Variants in ADGB observed in about 807,000 individuals in gnomAD.
The protein encoded by ADGB is calpain-7-like protein.
Under a neutral mutation model 210.5 loss-of-function variants are expected in ADGB, and 172 were observed. That is an observed-to-expected ratio of 0.82 (90% confidence interval 0.72 to 0.93). The LOEUF (loss-of-function observed/expected upper bound fraction) is 0.93. Among genes scored for constraint, ADGB ranks in the 40% least tolerant of loss-of-function variants. The pLI is 0.00. For missense variants in ADGB, 2,025 were observed against 1,964.8 expected (o/e 1.03, Z -0.58); for synonymous variants, 658 against 662.7 (o/e 0.99, Z 0.11).
intron 26 of ADGB, among the ~76,000 whole-genome samples, chr6:146,749,728 T>G (rs1006759336): frequency 2.6e-5 from 4 of 152,100 alleles, no homozygotes; most frequent in Non-Finnish European, 5.9e-5. Flanking sequence ...TTCTACAGTA[T>G]GTACAGGAGG....
chr6:146,732,960 T>C (rs991597433), intron 20 of ADGB, among the ~76,000 whole-genome samples, 160 bp from the exon 21 acceptor site: 1 of 152,200 alleles, frequency 6.6e-6, no homozygotes, highest in Non-Finnish European at 1.5e-5. Context: ...TTTTGGTCTC[T>C]TACTGGGCAG....
intron 10 of ADGB, among the ~76,000 whole-genome samples, chr6:146,686,076 T>C (rs1425425272): frequency 6.6e-6 from 1 of 152,066 alleles, no homozygotes; most frequent in East Asian, 1.9e-4. Context: ...CATAGTCACT[T>C]TTAATTTTTA....
At chr6:146,749,819 C>A (rs202202319) in intron 26 of ADGB, among the ~76,000 whole-genome samples, 1 of 151,732 alleles carries the variant, frequency 6.6e-6, no homozygotes, top group Non-Finnish European at 1.5e-5. Context: ...CATGGCAGAG[C>A]AGGAGAGAGA....
chr6:146,635,719 T>G (rs1335498250), intron 2 of ADGB, among the ~76,000 whole-genome samples, 182 bp downstream of exon 2: 1 of 152,032 alleles, frequency 6.6e-6, no homozygotes, highest in Non-Finnish European at 1.5e-5. Flanking sequence ...GCCTTAGTCC[T>G]GAGCTTTGGT....
rs114205726 is a variant in ADGB at position 146,680,229 on chromosome 6, C to T, written c.1216+3788C>T. Among the ~76,000 whole-genome samples the T allele has an allele frequency of 3.4e-3, 523 of 152,178 alleles. 3 individuals carry two copies. Among genetic ancestry groups the T allele is most frequent in the African/African-American group, 0.012 (498 of 41,514 alleles). ...ATACCAGCTGTAGACTGACCTATAC[C>T]GTGCTCTCAATTACAATTCCCTTTT... On this transcript the variant is annotated intron_variant, in intron 9 of 35. Coordinates refer to ENST00000397944, the MANE Select transcript of ADGB (RefSeq NM_024694.4).
In ADGB at chr6:146,694,847, G is replaced by A. The variant is rs1483795912; in HGVS notation, c.1577+1932G>A. Among the ~76,000 whole-genome samples, 4 of 152,062 alleles carry A rather than the reference G, an allele frequency of 2.6e-5. No homozygotes were observed. In the East Asian group the frequency reaches 5.8e-4, roughly 22 times the overall value. On this transcript the variant is annotated intron_variant, in intron 12 of 35. Transcript: ENST00000397944. ...CAGTGGAATTTCTATTCTTATTAAA[G>A]CTACTATGAATTAGCCTTCTGTCAC...
intron 6 of ADGB, among the ~76,000 whole-genome samples, chr6:146,665,594 T>C (rs1016917482): frequency 4.6e-5 from 7 of 152,082 alleles, no homozygotes; most frequent in African/African-American, 7.2e-5. Flanking sequence ...ACCTGGATAA[T>C]TGGAGTGGTA....
In ADGB at chr6:146,691,187, A is replaced by G; in HGVS notation, c.1383A>G (p.Arg461=). Residue 461 remains arginine (R), a synonymous_variant, in exon 11 of 36, where the codon AGA becomes AGG. Transcript: ENST00000397944. ...GTAGCCATCCTGTGCTGGTGACTAGAAGTAGGTCTTGTCCTCTGGTAGCAC... is the reference window on the plus strand; with the variant it reads ...GTAGCCATCCTGTGCTGGTGACTAGGAGTAGGTCTTGTCCTCTGGTAGCAC... ...HICSHPVLVT[R]SRSCPLVAPP... is the part of the protein sequence containing the mutation. The G allele has an allele frequency of 6.5e-7, 1 of 1,549,768 alleles. No individual in the cohort carries two copies. The highest frequency in any genetic ancestry group is 8.7e-7 in the Non-Finnish European group (1 of 1,146,368).
intron 33 of ADGB, among the ~76,000 whole-genome samples, chr6:146,795,302 A>T (rs553324715): frequency 2.3e-4 from 35 of 152,264 alleles, no homozygotes; most frequent in African/African-American, 8.2e-4. Context: ...AAAAATTAAC[A>T]AGTAGAATCT....
At chr6:146,732,302 G>A (rs1045663148) in intron 20 of ADGB, among the ~76,000 whole-genome samples, 17 of 152,044 alleles carry the variant, frequency 1.1e-4, no homozygotes, top group Non-Finnish European at 2.9e-5. Flanking sequence ...GTAAGGAATC[G>A]GTGACCCACC....
chr6:146,702,411 G>A (rs1776503400), intron 13 of ADGB, among the ~76,000 whole-genome samples: 1 of 151,684 alleles, frequency 6.6e-6, no homozygotes, highest in African/African-American at 2.4e-5. Flanking sequence ...TGCTATTTTT[G>A]GAATTTGAAA....
intron 10 of ADGB, among the ~76,000 whole-genome samples, chr6:146,688,844 A>C (rs1776266302): frequency 1.3e-5 from 2 of 152,150 alleles, no homozygotes; most frequent in South Asian, 2.1e-4. Flanking sequence ...TGTTAAATGG[A>C]GTACATTGCT....
chr6:146,614,429 C>G (rs1011599589), intron 1 of ADGB, among the ~76,000 whole-genome samples: 2 of 152,086 alleles, frequency 1.3e-5, no homozygotes, highest in Non-Finnish European at 2.9e-5. Flanking sequence ...CTGTCCTTTC[C>G]TGTTATCAGT....
chr6:146,611,003 C>A (rs1358554764), intron 1 of ADGB, among the ~76,000 whole-genome samples: 2 of 152,064 alleles, frequency 1.3e-5, no homozygotes, highest in Non-Finnish European at 2.9e-5. Flanking sequence ...AGGTCCACTA[C>A]ACCCACATAT....
At chr6:146,665,394 C>T (rs1775925220) in intron 6 of ADGB, among the ~76,000 whole-genome samples, 1 of 152,050 alleles carries the variant, frequency 6.6e-6, no homozygotes, top group Non-Finnish European at 1.5e-5. Context: ...GCTTTTAGCA[C>T]TTAATTGCAA....
At chr6:146,712,991 T>A (rs1157182966) in intron 13 of ADGB, among the ~76,000 whole-genome samples, 1 of 152,110 alleles carries the variant, frequency 6.6e-6, no homozygotes, top group East Asian at 1.9e-4. Context: ...TTCACATAAG[T>A]GGAATAATAA....
At chr6:146,700,798 A>C in intron 12 of ADGB, 143 bp from the exon 13 acceptor site, 9 of 940,148 alleles carry the variant, frequency 9.6e-6, no homozygotes, top group Non-Finnish European at 1.4e-5. Flanking sequence ...TGAGGTAAAA[A>C]ACATTACTGG....
At chr6:146,614,874 A>G (rs1201917412) in intron 1 of ADGB, among the ~76,000 whole-genome samples, 1 of 152,130 alleles carries the variant, frequency 6.6e-6, no homozygotes, top group Non-Finnish European at 1.5e-5. Context: ...CATGGCAAGA[A>G]CAGGAGCAAG....
intron 33 of ADGB, among the ~76,000 whole-genome samples, chr6:146,800,555 G>A (rs998143310): frequency 6.6e-6 from 1 of 152,122 alleles, no homozygotes; most frequent in Non-Finnish European, 1.5e-5. Flanking sequence ...AAAAAGCAGT[G>A]GTCTGGAAAT....
Sources: gnomAD v4.1 joint callset for allele counts (sites outside exome capture counted in the v4.1 genomes callset) on GRCh38, gnomAD v4.1.1 for gene constraint, MANE v1.5 for transcripts, NCBI Gene and HGNC (gene_info 2026-07-23, HGNC 2026-07-21) for gene names.